Variants in DNAJC15 observed in about 807,000 individuals in gnomAD.
The protein encoded by DNAJC15 is DnaJ heat shock protein family (Hsp40) member C15.
DNAJC15 carries 27 observed loss-of-function variants against 22.4 expected under a neutral mutation model. The observed-to-expected ratio is 1.20, with a 90% CI of 0.89 to 1.66. The LOEUF (loss-of-function observed/expected upper bound fraction) is 1.66, where lower values mean the gene tolerates loss of function less well. DNAJC15 is among the 40% of genes most tolerant of loss of function. DNAJC15 has a pLI of 0.00. For missense variants in DNAJC15, 208 were observed against 187.1 expected, an observed-to-expected ratio of 1.11 and a Z score of -0.65; for synonymous variants, 79 against 63.2, an observed-to-expected ratio of 1.25 and a Z score of -1.19.
At chr13:43,031,436 A>C (rs2040403518) in intron 1 of DNAJC15, among the ~76,000 whole-genome samples, 1 of 152,178 alleles carries the variant, frequency 6.6e-6, no homozygotes, top group South Asian at 2.1e-4. Context: ...GAAGGGTAGA[A>C]ACTAAACCTA....
intron 1 of DNAJC15, among the ~76,000 whole-genome samples, chr13:43,034,035 A>G (rs2040415947): frequency 6.6e-6 from 1 of 151,574 alleles, no homozygotes. Flanking sequence ...TCTCAAAAAA[A>G]AAAAAAAAAG....
intron 1 of DNAJC15, among the ~76,000 whole-genome samples, chr13:43,035,252 TAGAGAGAG>T (rs1230761583): frequency 6.6e-6 from 1 of 152,100 alleles, no homozygotes; most frequent in African/African-American, 2.4e-5. Context: ...TGAAAGGAAT[TAGAGAGAG>T]AGAAAGAGAC....
intron 2 of DNAJC15, 23 bp from the exon 3 acceptor site, chr13:43,068,907 C>T: frequency 1.3e-6 from 2 of 1,599,950 alleles, no homozygotes; most frequent in Admixed American, 1.7e-5. Flanking sequence ...AATACATTTG[C>T]TTTTATTCCC....
Position 43,111,599 on chromosome 13 carries a change from A to T in DNAJC15, c.*4351A>T, listed in dbSNP as rs748798820. On this transcript the variant is annotated 3_prime_UTR_variant, in exon 6 of 6. Transcript: ENST00000379221. ...ATCAGCCAGGCTCTTTACGTCAAGA[A>T]TATGAAGTTTCTCTTGAGTCAACCA... The T allele has an allele frequency of 6.6e-5, 10 of 152,222 alleles. No homozygotes were observed. The highest frequency in any genetic ancestry group is 1.3e-4 in the Non-Finnish European group (9 of 68,050). The allele number at this position is 152,222 out of a possible 1,614,324, so 9.4% of individuals were successfully genotyped here. A position where few individuals can be genotyped will look rare whatever the true frequency, so the allele number is the denominator to read the frequency against.
At chr13:43,033,884 C>T (rs558521315) in intron 1 of DNAJC15, among the ~76,000 whole-genome samples, 16 of 151,890 alleles carry the variant, frequency 1.1e-4, no homozygotes, top group South Asian at 2.1e-4. Context: ...AAAAATTAGC[C>T]GGGCATGGTA....
intron 1 of DNAJC15, among the ~76,000 whole-genome samples, chr13:43,051,659 G>GTGTATGTA (rs138112707): frequency 9.8e-6 from 1 of 102,518 alleles, no homozygotes. Context: ...GTGTGTGTGT[G>GTGTATGTA]TGTATATATA....
chr13:43,023,791 G>C, intron 1 of DNAJC15, 57 bp downstream of exon 1: 1 of 1,478,480 alleles, frequency 6.8e-7, no homozygotes, highest in Non-Finnish European at 9.2e-7. Flanking sequence ...TTCTGCTTCA[G>C]CCCCCTCTAC....
chr13:43,086,464 G>T (rs1014610676), intron 5 of DNAJC15, among the ~76,000 whole-genome samples: 1 of 152,080 alleles, frequency 6.6e-6, no homozygotes, highest in South Asian at 2.1e-4. Flanking sequence ...GAAGTCAAAG[G>T]GGGGTGGGGG....
intron 1 of DNAJC15, among the ~76,000 whole-genome samples, chr13:43,062,100 TTCAGAGG>T (rs968228605): frequency 1.6e-4 from 24 of 152,108 alleles, no homozygotes; most frequent in Non-Finnish European, 5.9e-5. Flanking sequence ...AGGGACTGTT[TTCAGAGG>T]TGTGACCATG....
chr13:43,059,844 T>TGGGA (rs1491165773), intron 1 of DNAJC15, among the ~76,000 whole-genome samples: 2 of 152,126 alleles, frequency 1.3e-5, no homozygotes, highest in Non-Finnish European at 2.9e-5. Flanking sequence ...AGGAGCAATG[T>TGGGA]TTCGCGGGCA....
chr13:43,032,150 G>C (rs1030273880), intron 1 of DNAJC15, among the ~76,000 whole-genome samples: 1 of 152,190 alleles, frequency 6.6e-6, no homozygotes, highest in African/African-American at 2.4e-5. Flanking sequence ...GGAAGGGGCG[G>C]TAATACCGTG....
intron 5 of DNAJC15, among the ~76,000 whole-genome samples, chr13:43,091,736 A>G (rs2040716255): frequency 6.6e-6 from 1 of 152,116 alleles, no homozygotes; most frequent in South Asian, 2.1e-4. Flanking sequence ...CACTGGTTTC[A>G]GCTGTCATTC....
intron 3 of DNAJC15, among the ~76,000 whole-genome samples, chr13:43,075,517 T>C (rs1449955894): frequency 6.6e-6 from 1 of 152,234 alleles, no homozygotes; most frequent in Non-Finnish European, 1.5e-5. Flanking sequence ...AGGCATGATT[T>C]AAAAACAAAA....
rs942913127 is a variant in DNAJC15, at chr13:43,111,277, T to C, written c.*4029T>C. On this transcript the variant is annotated 3_prime_UTR_variant, in exon 6 of 6. Transcript: ENST00000379221. The stretch of plus-strand genomic sequence containing the variant: ...CTTACTATATCAGGCAGTAAAGATA[T>C]AAATTCATTCTTAAAATGTGCAACA... 1 of 152,182 alleles carries C rather than the reference T, an allele frequency of 6.6e-6. No individual in the cohort carries two copies. Among genetic ancestry groups the C allele is most frequent in the African/African-American group, 2.4e-5 (1 of 41,448 alleles). 9.4% of individuals were successfully genotyped at this position (152,182 alleles called of 1,614,324 possible).
At chr13:43,032,310 G>T (rs552706682) in intron 1 of DNAJC15, among the ~76,000 whole-genome samples, 2 of 152,202 alleles carry the variant, frequency 1.3e-5, no homozygotes, top group Non-Finnish European at 2.9e-5. Flanking sequence ...ATGCATATGG[G>T]CCTGCGACCA....
At chr13:43,062,063 T>G (rs1416408407) in intron 1 of DNAJC15, among the ~76,000 whole-genome samples, 4 of 152,196 alleles carry the variant, frequency 2.6e-5, no homozygotes, top group Non-Finnish European at 5.9e-5. Flanking sequence ...GTGGATTTTT[T>G]TTTTCTTTTT....
chr13:43,055,262 A>G (rs2040524764), intron 1 of DNAJC15, among the ~76,000 whole-genome samples: 3 of 151,964 alleles, frequency 2.0e-5, no homozygotes, highest in Admixed American at 1.3e-4. Context: ...ACTCTGCTCT[A>G]TAAAGATAGC....
chr13:43,052,146 G>GT (rs2040507863), intron 1 of DNAJC15, among the ~76,000 whole-genome samples: 1 of 151,852 alleles, frequency 6.6e-6, no homozygotes, highest in Admixed American at 6.6e-5. Context: ...TGTATTTTTA[G>GT]TAGAGACAGG....
chr13:43,029,931 G>A (rs1490773968), intron 1 of DNAJC15, among the ~76,000 whole-genome samples: 1 of 152,102 alleles, frequency 6.6e-6, no homozygotes, highest in Non-Finnish European at 1.5e-5. Context: ...GAAACCAACA[G>A]GCTTGGAGAT....
Sources: allele counts gnomAD v4.1 joint callset (sites outside exome capture counted in the v4.1 genomes callset), GRCh38; gene constraint gnomAD v4.1.1; transcripts MANE v1.5; gene names NCBI Gene and HGNC (gene_info 2026-07-23, HGNC 2026-07-21).